GALNT13: variants seen among roughly 807,000 people sequenced by gnomAD.
GALNT13 encodes polypeptide N-acetylgalactosaminyltransferase 13.
In GALNT13, 28 loss-of-function variants were observed where a neutral mutation model predicts 64.2. That is an observed-to-expected ratio of 0.44 (90% confidence interval 0.32 to 0.60). GALNT13 has a LOEUF of 0.60. GALNT13 is among the 20% of genes least tolerant of loss of function. The probability of loss-of-function intolerance (pLI) is 0.05; values close to 1 mark genes in which losing one functional copy is unlikely to be tolerated. For missense variants in GALNT13, 577 were observed against 669.8 expected (o/e 0.86, Z 1.53); for synonymous variants, 214 against 224.6 (o/e 0.95, Z 0.42).
At chr2:154,224,784 G>A (rs1688499755) in intron 4 of GALNT13, among the ~76,000 whole-genome samples, 1 of 152,030 alleles carries the variant, frequency 6.6e-6, no homozygotes, top group Non-Finnish European at 1.5e-5. Flanking sequence ...GCATTCTAAT[G>A]TTTTTGAAAA....
At chr2:153,420,825 A>C in the GALNT13 span, 5 of 236,944 alleles carry the variant, frequency 2.1e-5, no homozygotes, top group Non-Finnish European at 9.2e-6. Context: ...GGCATAACTC[A>C]AGTCAGACTT....
chr2:153,417,291 C>T, the GALNT13 span, among the ~76,000 whole-genome samples: 6 of 152,168 alleles, frequency 3.9e-5, no homozygotes, highest in East Asian at 3.9e-4. Context: ...TTATGGGAGA[C>T]GGGGAGCAGA....
At chr2:153,945,767 G>GC (rs1691691762) in intron 3 of GALNT13, among the ~76,000 whole-genome samples, 1 of 152,014 alleles carries the variant, frequency 6.6e-6, no homozygotes, top group Admixed American at 6.6e-5. Context: ...GCTTTAGATT[G>GC]CAAATCAAAG....
chr2:153,984,051 C>T (rs1694638008), intron 3 of GALNT13, among the ~76,000 whole-genome samples: 1 of 141,670 alleles, frequency 7.1e-6, no homozygotes, highest in South Asian at 2.4e-4. Context: ...TAAAATTCTT[C>T]TTAAGTGAAA....
At chr2:153,652,609 T>A in the GALNT13 span, among the ~76,000 whole-genome samples, 2 of 152,056 alleles carry the variant, frequency 1.3e-5, no homozygotes, top group Non-Finnish European at 1.5e-5. Flanking sequence ...AGTGAGACTC[T>A]GTCTCAAAAA....
the GALNT13 span, among the ~76,000 whole-genome samples, chr2:153,134,782 C>T: frequency 6.6e-6 from 1 of 152,050 alleles, no homozygotes; most frequent in South Asian, 2.1e-4. Flanking sequence ...TTGCTCTCCT[C>T]CCAGGCTTTG....
At chr2:153,539,732 G>C in the GALNT13 span, among the ~76,000 whole-genome samples, 2 of 151,140 alleles carry the variant, frequency 1.3e-5, no homozygotes, top group Non-Finnish European at 2.9e-5. Context: ...TGAGGGCTCT[G>C]TTCTATTCCA....
intron 1 of GALNT13, among the ~76,000 whole-genome samples, chr2:153,879,094 G>T (rs1467409018): frequency 6.6e-6 from 1 of 152,190 alleles, no homozygotes; most frequent in Non-Finnish European, 1.5e-5. Context: ...GACATTTCAA[G>T]CAACTAATCT....
At chr2:154,395,585 G>T (rs572071875) in intron 9 of GALNT13, among the ~76,000 whole-genome samples, 1 of 152,212 alleles carries the variant, frequency 6.6e-6, no homozygotes, top group South Asian at 2.1e-4. Context: ...TACAGGTGGT[G>T]AATAAGTGAC....
rs189390456 is a variant in GALNT13 at position 154,202,954 on chromosome 2, G to A, written c.312-39076G>A. ...ATAAGGATTTTTAATATGTAATTTC[G>A]GTGAATCTGATTCAGTCATTTTATG... On this transcript the variant is annotated intron_variant, in intron 4 of 12. Coordinates refer to ENST00000392825, the MANE Select transcript of GALNT13 (RefSeq NM_052917.4). Among the ~76,000 whole-genome samples, 13 of 152,108 alleles carry A rather than the reference G, an allele frequency of 8.5e-5. No homozygotes were observed. In the East Asian group the frequency reaches 1.5e-3, roughly 18 times the overall value.
At chr2:153,655,538 G>A in the GALNT13 span, among the ~76,000 whole-genome samples, 4 of 152,186 alleles carry the variant, frequency 2.6e-5, no homozygotes, top group African/African-American at 4.8e-5. Context: ...CATGAGAATC[G>A]TGGATAGCTA....
the GALNT13 span, among the ~76,000 whole-genome samples, chr2:153,750,612 C>T: frequency 9.2e-5 from 14 of 151,566 alleles, no homozygotes; most frequent in Non-Finnish European, 1.6e-4. Flanking sequence ...TGTGGACTTA[C>T]GTTGCTCATA....
the GALNT13 span, among the ~76,000 whole-genome samples, chr2:153,594,026 T>C: frequency 1.3e-5 from 2 of 152,180 alleles, no homozygotes; most frequent in Non-Finnish European, 2.9e-5. Flanking sequence ...AATTATCCAG[T>C]AATGACAGGC....
At chr2:153,861,880 C>T in the GALNT13 span, among the ~76,000 whole-genome samples, 1 of 152,134 alleles carries the variant, frequency 6.6e-6, no homozygotes, top group African/African-American at 2.4e-5. Flanking sequence ...TGCCCAGCCT[C>T]CTTTCTTTAA....
chr2:154,131,654 A>G (rs1303243336), intron 3 of GALNT13, among the ~76,000 whole-genome samples: 2 of 152,172 alleles, frequency 1.3e-5, no homozygotes, highest in African/African-American at 4.8e-5. Context: ...ACCTAGCTAA[A>G]ATTACCCTAG....
At chr2:154,109,930 CAT>C (rs112487262) in intron 3 of GALNT13, among the ~76,000 whole-genome samples, 7,624 of 151,962 alleles carry the variant, frequency 0.05, 371 homozygotes, top group African/African-American at 0.13. Context: ...AATTTGTGCA[CAT>C]GTGTGTCTGT....
the GALNT13 span, among the ~76,000 whole-genome samples, chr2:153,780,425 T>C: frequency 1.9e-3 from 287 of 151,992 alleles, 1 homozygote; most frequent in African/African-American, 6.5e-3. Flanking sequence ...AGTCCTTGCT[T>C]ATGTCTAATC....
the GALNT13 span, among the ~76,000 whole-genome samples, chr2:153,179,082 T>G: frequency 6.6e-6 from 1 of 152,272 alleles, no homozygotes; most frequent in South Asian, 2.1e-4. Context: ...TTGCCTGTGC[T>G]TTTGAGATCA....
the GALNT13 span, among the ~76,000 whole-genome samples, chr2:153,685,233 T>G: frequency 1.3e-5 from 2 of 151,982 alleles, no homozygotes; most frequent in Non-Finnish European, 2.9e-5. Context: ...TGCCACACTG[T>G]CTTCTGCAAT....
Sources: gnomAD v4.1 joint callset for allele counts (sites outside exome capture counted in the v4.1 genomes callset) on GRCh38, gnomAD v4.1.1 for gene constraint, MANE v1.5 for transcripts, NCBI Gene and HGNC (gene_info 2026-07-23, HGNC 2026-07-21) for gene names.